IGSF3: variants seen among roughly 807,000 people sequenced by gnomAD.
The protein encoded by IGSF3 is immunoglobulin superfamily member 3.
IGSF3 carries 23 observed loss-of-function variants against 114.4 expected under a neutral mutation model. The observed-to-expected ratio is 0.20, with a 90% CI of 0.14 to 0.28. IGSF3 has a LOEUF of 0.28. Ranked by LOEUF, IGSF3 falls within the 10% of genes least tolerant of loss-of-function variation. The pLI is 1.00. For missense variants in IGSF3, 1,172 were observed against 1,591.5 expected (o/e 0.74, Z 4.48); for synonymous variants, 571 against 645.2 (o/e 0.88, Z 1.74).
rs1660225132 is a variant in IGSF3 at position 116,593,771 on chromosome 1, C to T, written c.2030-4667G>A. Among the ~76,000 whole-genome samples, 1 of 152,214 alleles carries T rather than the reference C, an allele frequency of 6.6e-6. No homozygotes were observed. Among genetic ancestry groups the T allele is most frequent in the Admixed American group, 6.5e-5 (1 of 15,288 alleles). On this transcript the variant is annotated intron_variant, in intron 7 of 10. Coordinates refer to ENST00000369486, the MANE Select transcript of IGSF3 (RefSeq NM_001007237.3). The surrounding 1 kb of genome is among the most constrained non-coding windows in gnomAD (Gnocchi z 4.5). ...GGGGCATGCTACTGCCCACGGCTGCCCACCCCACAGCCCGTGACAGCAGTT... is the reference window on the plus strand; with the variant it reads ...GGGGCATGCTACTGCCCACGGCTGCTCACCCCACAGCCCGTGACAGCAGTT...
intron 6 of IGSF3, among the ~76,000 whole-genome samples, chr1:116,601,790 G>T (rs575443808): frequency 7.2e-5 from 11 of 152,290 alleles, no homozygotes; most frequent in African/African-American, 2.6e-4. Flanking sequence ...TGTGACAGTC[G>T]CTGTGCACCT....
In IGSF3 at chr1:116,584,588, G is replaced by A. The variant is rs773764523; in HGVS notation, c.2848+57C>T. 4.5e-6 allele frequency: 7 copies of A among 1,541,614 alleles called. No individual in the cohort carries two copies. The highest frequency in any genetic ancestry group is 1.4e-5 in the African/African-American group (1 of 73,508). On this transcript the variant is annotated intron_variant, in intron 9 of 10. Transcript: ENST00000369486. This position sits in a 1 kb window ranked among gnomAD's most constrained non-coding sequence, Gnocchi z 5.8. Reference sequence around the variant, plus strand: ...CTAATTTTATCCAGTGCATAAAACAGTATACTTAAATGGGAAACACCAGAG... The same window carrying A: ...CTAATTTTATCCAGTGCATAAAACAATATACTTAAATGGGAAACACCAGAG...
intron 2 of IGSF3, among the ~76,000 whole-genome samples, chr1:116,621,875 A>G (rs1219047985): frequency 6.6e-6 from 1 of 152,158 alleles, no homozygotes; most frequent in African/African-American, 2.4e-5. Context: ...GTTTTTCAAG[A>G]TATTTCTTGT....
At position 116,588,893 on chromosome 1, in the gene IGSF3, C is replaced by G; in HGVS notation, c.2241G>C (p.Glu747Asp). The change falls in exon 8 of 11, where the codon GAG (glutamate) becomes GAC (aspartate). Residue 747 changes from glutamate (E) to aspartate (D), a missense_variant. Physicochemically the swap from Glu to Asp is conservative, Grantham distance 45. This residue lies in a region of IGSF3 where 736 missense variants were observed against 1,042.0 expected (regional missense o/e 0.71). Transcript: ENST00000369486. This position sits in a 1 kb window ranked among gnomAD's most constrained non-coding sequence, Gnocchi z 4.9. ...ACTGGAGCCTGGCTCTCAGGCCCTC[C>G]TCCTCGGCGTAAGTACCGTATTCAA... ...SAFEYGTYAE[E>D]EGLRARLQFE... The G allele has an allele frequency of 6.2e-7, 1 of 1,614,224 alleles. No individual in the cohort carries two copies. Among genetic ancestry groups the G allele is most frequent in the South Asian group, 1.1e-5 (1 of 91,086 alleles).
chr1:116,607,121 A>C lies in IGSF3; in HGVS notation c.1222+821T>G, dbSNP rs1172794312. On this transcript the variant is annotated intron_variant, in intron 5 of 10. Transcript: ENST00000369486. This position sits in a 1 kb window ranked among gnomAD's most constrained non-coding sequence, Gnocchi z 6.1. ...TGAGACAAGGTTAAAGGTTAGTCTT[A>C]AAACTTTACCACTTGTTTAAAATCA... Among the ~76,000 whole-genome samples, 2 of 152,258 alleles carry C rather than the reference A, an allele frequency of 1.3e-5. No individual in the cohort carries two copies. Among genetic ancestry groups the C allele is most frequent in the Non-Finnish European group, 2.9e-5 (2 of 68,052 alleles).
chr1:116,584,612 A>T lies in IGSF3; in HGVS notation c.2848+33T>A. ...AGTATACTTAAATGGGAAACACCAG[A>T]GGGAGTGGAAGCTTGGGGACGTGGA... On this transcript the variant is annotated intron_variant, in intron 9 of 10. Transcript: ENST00000369486. The surrounding 1 kb of genome is among the most constrained non-coding windows in gnomAD (Gnocchi z 5.8). 1.2e-6 allele frequency: 2 copies of T among 1,608,256 alleles called. No homozygotes were observed. Among genetic ancestry groups the T allele is most frequent in the Non-Finnish European group, 1.7e-6 (2 of 1,174,794 alleles).
intron 2 of IGSF3, among the ~76,000 whole-genome samples, chr1:116,619,678 A>G (rs1236678573): frequency 6.6e-6 from 1 of 152,090 alleles, no homozygotes; most frequent in Non-Finnish European, 1.5e-5. Flanking sequence ...AAAGAGACAC[A>G]GGCTCCCAAA....
intron 2 of IGSF3, among the ~76,000 whole-genome samples, chr1:116,620,461 T>C (rs1011598909): frequency 6.6e-6 from 1 of 152,172 alleles, no homozygotes; most frequent in African/African-American, 2.4e-5. Context: ...GGAGAGGGCA[T>C]GGGCAGTCAG....
chr1:116,583,933 T>TCC lies in IGSF3; in HGVS notation c.2848+710_2848+711dup, dbSNP rs2101324591. ...CAGGCACAGTAGCTCACACCTGTAA[T>TCC]CCCACCACTTTGAAAAGCCGAGGCG... On this transcript the variant is annotated intron_variant, in intron 9 of 10. Coordinates refer to ENST00000369486, the MANE Select transcript of IGSF3 (RefSeq NM_001007237.3). The surrounding 1 kb of genome is among the most constrained non-coding windows in gnomAD (Gnocchi z 4.5). Among the ~76,000 whole-genome samples, 1 of 152,270 alleles carries TCC rather than the reference T, an allele frequency of 6.6e-6. No individual in the cohort carries two copies. The highest frequency in any genetic ancestry group is 2.4e-5 in the African/African-American group (1 of 41,550).
intron 2 of IGSF3, among the ~76,000 whole-genome samples, chr1:116,637,550 T>G (rs1051241418): frequency 3.9e-5 from 6 of 152,306 alleles, no homozygotes; most frequent in Non-Finnish European, 7.4e-5. Flanking sequence ...GACCAGCTTG[T>G]GGACAAGGAT....
rs1660964624 is a variant in IGSF3, at chr1:116,610,263, G to C, written c.833-1932C>G. Among the ~76,000 whole-genome samples, 1 of 152,198 alleles carries C rather than the reference G, an allele frequency of 6.6e-6. No homozygotes were observed. Among genetic ancestry groups the C allele is most frequent in the Non-Finnish European group, 1.5e-5 (1 of 68,032 alleles). ...TCCACATAAACACCACTGGAGCTGT[G>C]CAAGGGGTACCCTAGACCTCAGACC... On this transcript the variant is annotated intron_variant, in intron 4 of 10. Coordinates refer to ENST00000369486, the MANE Select transcript of IGSF3 (RefSeq NM_001007237.3). This position sits in a 1 kb window ranked among gnomAD's most constrained non-coding sequence, Gnocchi z 4.3.
Position 116,600,041 on chromosome 1 carries a change from G to A in IGSF3, c.1929C>T (p.Tyr643=), listed in dbSNP as rs375713527. The change falls in exon 7 of 11, where the codon TAC becomes TAT. Residue 643 remains tyrosine, a synonymous_variant. Transcript: ENST00000369486. The surrounding 1 kb of genome is among the most constrained non-coding windows in gnomAD (Gnocchi z 5.5). ...SRASDTEAGK[Y]QCVAELWRKN... ...TCCGCCACAGCTCTGCCACACACTG[G>A]TACTTGCCTGCTTCCGTGTCACTGG... 1.5e-3 allele frequency: 2,439 copies of A among 1,614,164 alleles called. 28 individuals are homozygous for A. The highest frequency in any genetic ancestry group is 4.1e-3 in the East Asian group (183 of 44,876).
Position 116,629,444 on chromosome 1 carries a change from A to G in IGSF3, c.44-12987T>C, listed in dbSNP as rs1005583895. The stretch of plus-strand genomic sequence containing the variant: ...TGAATGAATTAGCTTCATAATTAGG[A>G]CCAACAGTCATAAGCAATTTCTCAG... On this transcript the variant is annotated intron_variant, in intron 2 of 10. Transcript: ENST00000369486. This position sits in a 1 kb window ranked among gnomAD's most constrained non-coding sequence, Gnocchi z 4.3. Among the ~76,000 whole-genome samples, 2 of 152,190 alleles carry G rather than the reference A, an allele frequency of 1.3e-5. No individual in the cohort carries two copies. Among genetic ancestry groups the G allele is most frequent in the African/African-American group, 4.8e-5 (2 of 41,446 alleles).
chr1:116,613,559 C>G (rs749695211), intron 4 of IGSF3, among the ~76,000 whole-genome samples: 29 of 152,224 alleles, frequency 1.9e-4, no homozygotes, highest in Non-Finnish European at 3.5e-4. Context: ...GTCTGTGTGG[C>G]ACCTGCCTGT....
At chr1:116,666,140 T>A in intron 2 of IGSF3, 144 bp downstream of exon 2, 1 of 777,050 alleles carries the variant, frequency 1.3e-6, no homozygotes, top group Non-Finnish European at 2.3e-6. Flanking sequence ...CTCTTCGTAC[T>A]CTACTCCAAC....
intron 2 of IGSF3, among the ~76,000 whole-genome samples, chr1:116,620,288 C>T (rs200153489): frequency 6.6e-6 from 1 of 152,188 alleles, no homozygotes; most frequent in Admixed American, 6.5e-5. Flanking sequence ...TGGAGTTTTC[C>T]GCCCCAGCCT....
chr1:116,603,973 G>A lies in IGSF3; in HGVS notation c.1275C>T (p.Gly425=), dbSNP rs376215657. 13 of 1,612,560 alleles carry A rather than the reference G, an allele frequency of 8.1e-6. No individual in the cohort carries two copies. The East Asian group carries it at 1.1e-4, about 14-fold the overall frequency. The stretch of plus-strand genomic sequence containing the variant: ...CACTGCAGGAGAAGCGCAGGTCCTC[G>A]CCCTCAAGGATGACGCTGGCATTGC... ...VASNASVILE[G]EDLRFSCSVR... The change falls in exon 6 of 11, where the codon GGC becomes GGT. Residue 425 remains glycine, a synonymous_variant. Transcript: ENST00000369486. The surrounding 1 kb of genome is among the most constrained non-coding windows in gnomAD (Gnocchi z 7.1).
At position 116,579,639 on chromosome 1, in the gene IGSF3, C is replaced by G; in HGVS notation, c.3087G>C (p.Glu1029Asp). The change falls in exon 10 of 11, where the codon GAG (glutamate) becomes GAC (aspartate). Residue 1029 changes from glutamate (E) to aspartate (D), a missense_variant. Transcript: ENST00000369486. The surrounding 1 kb of genome is among the most constrained non-coding windows in gnomAD (Gnocchi z 6.4). ...EDDDDDDDPT[E>D]RTALLSVGPD... is the part of the protein sequence containing the mutation. Reference sequence around the variant, plus strand: ...GGCCCACGCTCAGCAGGGCCGTCCGCTCTGTTGGGTCGTCGTCGTCGTCGT... The same window carrying G: ...GGCCCACGCTCAGCAGGGCCGTCCGGTCTGTTGGGTCGTCGTCGTCGTCGT... 1 of 1,612,870 alleles carries G rather than the reference C, an allele frequency of 6.2e-7. No homozygotes were observed. Among genetic ancestry groups the G allele is most frequent in the Non-Finnish European group, 8.5e-7 (1 of 1,179,498 alleles).
At chr1:116,622,657 G>A (rs1269340170) in intron 2 of IGSF3, among the ~76,000 whole-genome samples, 2 of 152,108 alleles carry the variant, frequency 1.3e-5, no homozygotes, top group African/African-American at 4.8e-5. Flanking sequence ...TGATCATAAT[G>A]AGTAGCACTT....
Sources: allele counts gnomAD v4.1 joint callset (sites outside exome capture counted in the v4.1 genomes callset), GRCh38; gene constraint gnomAD v4.1.1; regional missense constraint gnomAD v4.1.1; non-coding constraint Gnocchi (gnomAD v3.1); transcripts MANE v1.5; gene names NCBI Gene and HGNC (gene_info 2026-07-23, HGNC 2026-07-21).